Variants in TSNARE1 observed in about 807,000 individuals in gnomAD.
TSNARE1 encodes t-SNARE domain-containing protein 1.
TSNARE1 carries 49 observed loss-of-function variants against 62.0 expected under a neutral mutation model. That is an observed-to-expected ratio of 0.79 (90% CI 0.63 to 1.00). TSNARE1 has a LOEUF of 1.00. Ranked by LOEUF, TSNARE1 falls within the 50% of genes least tolerant of loss-of-function variation. TSNARE1 has a pLI of 0.00. For synonymous variants in TSNARE1, 328 were observed against 294.4 expected, an observed-to-expected ratio of 1.11 and a Z score of -1.17; for missense variants, 755 against 700.1, an observed-to-expected ratio of 1.08 and a Z score of -0.88.
chr8:142,256,214 TC>T (rs1818532829), intron 12 of TSNARE1, among the ~76,000 whole-genome samples: 4 of 53,398 alleles, frequency 7.5e-5, no homozygotes, highest in Non-Finnish European at 1.5e-4. Context: ...ACTGTCACCA[TC>T]ACCATCACTA....
At chr8:142,235,148 C>G (rs1216663872) in intron 12 of TSNARE1, among the ~76,000 whole-genome samples, 2 of 152,140 alleles carry the variant, frequency 1.3e-5, no homozygotes, top group Non-Finnish European at 2.9e-5. Context: ...ACTGAGCGCC[C>G]TGGGTGCTGG....
At chr8:142,231,232 C>G (rs1442351543) in intron 12 of TSNARE1, among the ~76,000 whole-genome samples, 1 of 152,214 alleles carries the variant, frequency 6.6e-6, no homozygotes, top group Non-Finnish European at 1.5e-5. Flanking sequence ...ACTTCCCAGC[C>G]TTGGGAAACA....
At chr8:142,231,785 C>T (rs1817125957) in intron 12 of TSNARE1, among the ~76,000 whole-genome samples, 5 of 152,190 alleles carry the variant, frequency 3.3e-5, no homozygotes, top group Admixed American at 2.6e-4. Context: ...TGCCCAAAGC[C>T]ACCAGCCTGA....
chr8:142,232,007 G>A (rs1817138882), intron 12 of TSNARE1, among the ~76,000 whole-genome samples: 1 of 152,238 alleles, frequency 6.6e-6, no homozygotes, highest in African/African-American at 2.4e-5. Context: ...GGTACCTGAG[G>A]GGAGCAAAGG....
intron 1 of TSNARE1, among the ~76,000 whole-genome samples, chr8:142,357,898 C>T (rs7831197): frequency 7.4e-6 from 1 of 135,896 alleles, no homozygotes; most frequent in East Asian, 2.2e-4. Context: ...ACGAAAGCCA[C>T]GGCGGAGGCT....
chr8:142,367,615 T>C (rs531897409), intron 1 of TSNARE1, among the ~76,000 whole-genome samples: 3 of 152,228 alleles, frequency 2.0e-5, no homozygotes, highest in Non-Finnish European at 4.4e-5. Flanking sequence ...TAGTAATGAA[T>C]GTACAACACT....
At chr8:142,229,447 G>T in intron 13 of TSNARE1, 26 bp downstream of exon 13, 1 of 1,546,096 alleles carries the variant, frequency 6.5e-7, no homozygotes, top group Non-Finnish European at 8.9e-7. Context: ...ATGAATGGAT[G>T]GTGTACGGGT....
chr8:142,343,797 G>GGGAGGGGGAGGA (rs1832943771), intron 4 of TSNARE1, among the ~76,000 whole-genome samples, 169 bp downstream of exon 4: 6 of 80,832 alleles, frequency 7.4e-5, no homozygotes, highest in African/African-American at 5.5e-4. Context: ...GAGGAGGAGG[G>GGGAGGGGGAGGA]GGAGGAGGAG....
chr8:142,326,041 C>T (rs568158910), intron 6 of TSNARE1: 3 of 150,600 alleles, frequency 2.0e-5, no homozygotes, highest in African/African-American at 8.6e-5. Flanking sequence ...GAGCATGAGA[C>T]GGATGACGAA....
intron 1 of TSNARE1, among the ~76,000 whole-genome samples, chr8:142,366,829 C>G (rs1457521990): frequency 6.6e-6 from 1 of 152,102 alleles, no homozygotes; most frequent in Non-Finnish European, 1.5e-5. Context: ...AGAAATGAAA[C>G]AAAATTCTCT....
chr8:142,325,055 G>A (rs140064550), intron 6 of TSNARE1, among the ~76,000 whole-genome samples: 22 of 152,354 alleles, frequency 1.4e-4, no homozygotes, highest in Admixed American at 7.8e-4. Context: ...AGCAGGTGAT[G>A]CCCAAGTCAA....
intron 4 of TSNARE1, among the ~76,000 whole-genome samples, chr8:142,343,394 C>T (rs1024075688): frequency 2.0e-5 from 3 of 151,758 alleles, no homozygotes; most frequent in Non-Finnish European, 4.4e-5. Context: ...CATGAGCACG[C>T]GTGGCCATGG....
intron 11 of TSNARE1, chr8:142,280,359 G>A (rs1049928582): frequency 1.0e-6 from 1 of 981,318 alleles, no homozygotes; most frequent in Non-Finnish European, 1.2e-6. Context: ...AGGGGGCAGA[G>A]ACCCTGGGGA....
intron 12 of TSNARE1, among the ~76,000 whole-genome samples, chr8:142,246,772 G>A (rs1048744799): frequency 6.6e-5 from 10 of 152,176 alleles, no homozygotes; most frequent in Non-Finnish European, 1.5e-4. Context: ...GAGCCCAAAC[G>A]CCTGCTGTGC....
At chr8:142,249,625 G>A (rs59019358) in intron 12 of TSNARE1, among the ~76,000 whole-genome samples, 10,778 of 152,270 alleles carry the variant, frequency 0.071, 519 homozygotes, top group African/African-American at 0.14. Context: ...GCCTTCTCAC[G>A]GCACCTCTCC....
At chr8:142,355,863 C>T (rs1834688894) in intron 1 of TSNARE1, among the ~76,000 whole-genome samples, 1 of 152,166 alleles carries the variant, frequency 6.6e-6, no homozygotes, top group Non-Finnish European at 1.5e-5. Flanking sequence ...GAGCAAGACA[C>T]CCGCCTGTGC....
intron 1 of TSNARE1, among the ~76,000 whole-genome samples, chr8:142,373,758 G>A (rs561619035): frequency 1.2e-4 from 19 of 152,066 alleles, no homozygotes; most frequent in East Asian, 9.7e-4. Flanking sequence ...CTAGACCTCC[G>A]GGATCCAAGA....
In TSNARE1 at chr8:142,313,755, G is replaced by A. The variant is rs986544004; in HGVS notation, c.1131+629C>T. ...CATCTATGTGTGCATTTTTCTGTAT[G>A]CATGTGCCTGTGTTTTTTGTTTTTG... On this transcript the variant is annotated intron_variant, in intron 9 of 13. Coordinates refer to ENST00000524325, the MANE Select transcript of TSNARE1 (RefSeq NM_145003.5). Among the ~76,000 whole-genome samples the A allele has an allele frequency of 2.0e-5, 3 of 152,130 alleles. No individual in the cohort carries two copies. In the South Asian group the frequency reaches 6.2e-4, roughly 32 times the overall value.
At chr8:142,299,797 G>A (rs905449434) in intron 10 of TSNARE1, among the ~76,000 whole-genome samples, 1 of 152,242 alleles carries the variant, frequency 6.6e-6, no homozygotes, top group African/African-American at 2.4e-5. Flanking sequence ...CACATGCTCA[G>A]ACTCAGGTGC....
Sources: allele counts gnomAD v4.1 joint callset (sites outside exome capture counted in the v4.1 genomes callset), GRCh38; gene constraint gnomAD v4.1.1; transcripts MANE v1.5; gene names NCBI Gene and HGNC (gene_info 2026-07-23, HGNC 2026-07-21).